The following STC1 variants were observed in gnomAD, a reference collection of about 807,000 sequenced individuals.
STC1 encodes stanniocalcin 1.
A neutral mutation model predicts 22.6 loss-of-function variants in STC1; 7 were observed. The observed-to-expected ratio is 0.31, with a 90% CI of 0.18 to 0.58. STC1 has a LOEUF of 0.58. STC1 is among the 20% of genes least tolerant of loss of function. The probability of loss-of-function intolerance (pLI) is 0.89; values close to 1 mark genes in which losing one functional copy is unlikely to be tolerated. For synonymous variants in STC1, 113 were observed against 120.7 expected (o/e 0.94, Z 0.42); for missense variants, 224 against 311.0 (o/e 0.72, Z 2.10).
At chr8:23,846,803 A>G (rs1431074258) in intron 3 of STC1, among the ~76,000 whole-genome samples, 1 of 152,190 alleles carries the variant, frequency 6.6e-6, no homozygotes, top group Non-Finnish European at 1.5e-5. Flanking sequence ...TGGAATTACA[A>G]AGCACATGAG....
intron 1 of STC1, 29 bp downstream of exon 1, chr8:23,854,377 G>A (rs761402175): frequency 5.6e-6 from 9 of 1,594,190 alleles, no homozygotes; most frequent in South Asian, 5.5e-5. Context: ...CTCTTTGGGG[G>A]AGAAACCGCT....
rs1040082338 is a variant in STC1, at chr8:23,843,252, C to T, written c.*1518G>A. On this transcript the variant is annotated 3_prime_UTR_variant, in exon 4 of 4. Coordinates refer to ENST00000290271, the MANE Select transcript of STC1 (RefSeq NM_003155.3). Reference sequence around the variant, plus strand: ...ACTTTGGTGGTCGCCATCTTGTAAACATCATGGCAGAAATGATCAAACCAC... The same window carrying T: ...ACTTTGGTGGTCGCCATCTTGTAAATATCATGGCAGAAATGATCAAACCAC... 2 of 152,496 alleles carry T rather than the reference C, an allele frequency of 1.3e-5. No homozygotes were observed. Among genetic ancestry groups the T allele is most frequent in the African/African-American group, 4.8e-5 (2 of 41,400 alleles). The allele number at this position is 152,496 out of a possible 1,614,324, so 9.4% of individuals were successfully genotyped here. A position where few individuals can be genotyped will look rare whatever the true frequency, so the allele number is the denominator to read the frequency against.
chr8:23,845,106 AC>A, intron 3 of STC1, 66 bp from the exon 4 acceptor site: 1 of 1,556,154 alleles, frequency 6.4e-7, no homozygotes, highest in South Asian at 1.2e-5. Flanking sequence ...CCAGGCTTTC[AC>A]CCGGGCTCTA....
At position 23,844,675 on chromosome 8, in the gene STC1, A is replaced by C. The variant is rs1802549677; in HGVS notation, c.*95T>G. ...GGGATAGAAAATAGGAACTACTTTA[A>C]AAAAATCAAACCAGGCACAGTACAC... On this transcript the variant is annotated 3_prime_UTR_variant, in exon 4 of 4. Transcript: ENST00000290271. The C allele has an allele frequency of 3.4e-6, 5 of 1,450,856 alleles. No individual in the cohort carries two copies. The African/African-American group carries it at 5.7e-5, about 16-fold the overall frequency. 89.9% of individuals were successfully genotyped at this position (1,450,856 alleles called of 1,614,324 possible). A position where few individuals can be genotyped will look rare whatever the true frequency, so the allele number is the denominator to read the frequency against.
intron 1 of STC1, among the ~76,000 whole-genome samples, chr8:23,852,636 A>T (rs984796807): frequency 8.5e-5 from 13 of 152,110 alleles, no homozygotes; most frequent in Non-Finnish European, 1.2e-4. Context: ...TCCCTGTTTC[A>T]CCATTACCTA....
chr8:23,853,063 G>GAAAGAAAGAAAGA (rs1388985951), intron 1 of STC1, among the ~76,000 whole-genome samples: 2 of 151,366 alleles, frequency 1.3e-5, no homozygotes, highest in Non-Finnish European at 2.9e-5. Flanking sequence ...AAGAAAGAAA[G>GAAAGAAAGAAAGA]AAGAAACACA....
rs1802536046 is a variant in STC1, at chr8:23,843,333, A to T, written c.*1437T>A. 6.7e-6 allele frequency: 1 copy of T among 149,756 alleles called. No individual in the cohort carries two copies. Among genetic ancestry groups the T allele is most frequent in the Non-Finnish European group, 1.5e-5 (1 of 67,590 alleles). 9.3% of individuals were successfully genotyped at this position (149,756 alleles called of 1,614,324 possible). A position where few individuals can be genotyped will look rare whatever the true frequency, so the allele number is the denominator to read the frequency against. ...TTTTCTTTTTTTCTATTTTTTTACG[A>T]TCCTACAGAGATGGTCCAGCTGCCA... is the stretch of plus-strand genomic sequence containing the variant. On this transcript the variant is annotated 3_prime_UTR_variant, in exon 4 of 4. Transcript: ENST00000290271.
chr8:23,852,243 T>C lies in STC1; in HGVS notation c.260A>G (p.Gln87Arg). 1 of 1,614,152 alleles carries C rather than the reference T, an allele frequency of 6.2e-7. No individual in the cohort carries two copies. Among genetic ancestry groups the C allele is most frequent in the Non-Finnish European group, 8.5e-7 (1 of 1,180,022 alleles). Residue 87 changes from glutamine (Q) to arginine (R), a missense_variant and splice_region_variant, in exon 2 of 4, where the codon CAG becomes CGG. Gln to Arg is a conservative substitution (Grantham distance 43, BLOSUM62 1). Transcript: ENST00000290271. ...GAGCAGGGGTCAAGGTTTTATTACC[T>C]GAGTGTCAAATTTAGCAGCGCTGTA... ...FLYSAAKFDT[Q>R]GKAFVKESLK...
In STC1 at chr8:23,851,448, G is replaced by T; in HGVS notation, c.345C>A (p.Ser115=). ...CCTCAGCAATCATCCTTTGGAAAGT[G>T]GAGCACCTCCGAATGGCGAGGAAGA... ...SKVFLAIRRC[S]TFQRMIAEVQ... Residue 115 remains serine (S), a synonymous_variant, in exon 3 of 4, where the codon TCC becomes TCA. Transcript: ENST00000290271. 1 of 1,614,140 alleles carries T rather than the reference G, an allele frequency of 6.2e-7. No individual in the cohort carries two copies. The highest frequency in any genetic ancestry group is 8.5e-7 in the Non-Finnish European group (1 of 1,180,036).
rs899604011 is a variant in STC1 at position 23,854,723 on chromosome 8, C to CGCCGCTGCTGCTGCTGCT, written c.-218_-201dup. 13 of 663,150 alleles carry CGCCGCTGCTGCTGCTGCT rather than the reference C, an allele frequency of 2.0e-5. No individual in the cohort carries two copies. Among genetic ancestry groups the CGCCGCTGCTGCTGCTGCT allele is most frequent in the Non-Finnish European group, 3.3e-5 (12 of 358,940 alleles). 41.1% of individuals were successfully genotyped at this position (663,150 alleles called of 1,614,324 possible). A position where few individuals can be genotyped will look rare whatever the true frequency, so the allele number is the denominator to read the frequency against. On this transcript the variant is annotated 5_prime_UTR_variant, in exon 1 of 4. Coordinates refer to ENST00000290271, the MANE Select transcript of STC1 (RefSeq NM_003155.3). ...GTGCCTCCGCTGCTGCTGCTGCTGC[C>CGCCGCTGCTGCTGCTGCT]GCCGCTGCTGCTGCTGCTGCCACCG...
intron 3 of STC1, 42 bp downstream of exon 3, chr8:23,851,278 C>T (rs1000644284): frequency 1.2e-6 from 2 of 1,604,994 alleles, no homozygotes; most frequent in Non-Finnish European, 1.7e-6. Flanking sequence ...CAGCCACCTG[C>T]TCCCAGTCCC....
In STC1 at chr8:23,852,238, T is replaced by C; in HGVS notation, c.261+4A>G. The C allele has an allele frequency of 6.2e-7, 1 of 1,614,082 alleles. No homozygotes were observed. The highest frequency in any genetic ancestry group is 8.5e-7 in the Non-Finnish European group (1 of 1,180,016). ...AGTGGGAGCAGGGGTCAAGGTTTTA[T>C]TACCTGAGTGTCAAATTTAGCAGCG... On this transcript the variant is annotated splice_donor_region_variant and intron_variant, in intron 2 of 3. Coordinates refer to ENST00000290271, the MANE Select transcript of STC1 (RefSeq NM_003155.3).
rs886137148 is a variant in STC1, at chr8:23,854,750, C to CGCTGCT, written c.-233_-228dup. 1.4e-5 allele frequency: 9 copies of CGCTGCT among 634,534 alleles called. No individual in the cohort carries two copies. Among genetic ancestry groups the CGCTGCT allele is most frequent in the African/African-American group, 7.3e-5 (4 of 54,728 alleles). The allele number at this position is 634,534 out of a possible 1,614,324, so 39.3% of individuals were successfully genotyped here. ...CCGCTGCTGCTGCTGCTGCCACCGC[C>CGCTGCT]GCTGCTGCTGCTGCTGCTGCAGTCG... On this transcript the variant is annotated 5_prime_UTR_variant, in exon 1 of 4. Coordinates refer to ENST00000290271, the MANE Select transcript of STC1 (RefSeq NM_003155.3).
Position 23,854,629 on chromosome 8 carries a change from A to G in STC1, c.-106T>C. On this transcript the variant is annotated 5_prime_UTR_variant, in exon 1 of 4. Coordinates refer to ENST00000290271, the MANE Select transcript of STC1 (RefSeq NM_003155.3). Reference sequence around the variant, plus strand: ...GAAGATGTGGATCTGGATACACTGAAAGCTTAGGTGAGGATTTGATGAGGA... The same window carrying G: ...GAAGATGTGGATCTGGATACACTGAGAGCTTAGGTGAGGATTTGATGAGGA... The G allele has an allele frequency of 1.0e-6, 1 of 984,370 alleles. No individual in the cohort carries two copies. Among genetic ancestry groups the G allele is most frequent in the African/African-American group, 1.6e-5 (1 of 62,082 alleles). 61.0% of individuals were successfully genotyped at this position (984,370 alleles called of 1,614,324 possible).
At chr8:23,852,221 C>A (rs1802646314) in intron 2 of STC1, 21 bp downstream of exon 2, 1 of 1,613,986 alleles carries the variant, frequency 6.2e-7, no homozygotes, top group Admixed American at 1.7e-5. Context: ...CCAGTGGGAG[C>A]AGGGGTCAAG....
intron 3 of STC1, among the ~76,000 whole-genome samples, chr8:23,851,020 C>A (rs546258857): frequency 2.0e-5 from 3 of 149,638 alleles, no homozygotes; most frequent in Non-Finnish European, 2.9e-5. Context: ...CTTCACCATT[C>A]CCTTCAGGCT....
intron 1 of STC1, among the ~76,000 whole-genome samples, chr8:23,853,832 C>G (rs1232551361): frequency 6.6e-6 from 1 of 152,048 alleles, no homozygotes; most frequent in Non-Finnish European, 1.5e-5. Flanking sequence ...CCTACAGAGC[C>G]AGGAGGGAGA....
Position 23,844,800 on chromosome 8 carries a change from G to A in STC1, c.714C>T (p.His238=). 1.2e-6 allele frequency: 2 copies of A among 1,614,140 alleles called. No homozygotes were observed. Among genetic ancestry groups the A allele is most frequent in the Non-Finnish European group, 1.7e-6 (2 of 1,180,012 alleles). Residue 238 remains histidine (H), a synonymous_variant, in exon 4 of 4, where the codon CAC becomes CAT. Transcript: ENST00000290271. ...CACTCTCATGGGATGTGCGTTTGATGTGGGAGGGAGAGTCCTCCTCACCTC... is the reference window on the plus strand; with the variant it reads ...CACTCTCATGGGATGTGCGTTTGATATGGGAGGGAGAGTCCTCCTCACCTC... ...NLRGEEDSPS[H]IKRTSHESA
At chr8:23,852,185 T>C in intron 2 of STC1, 57 bp downstream of exon 2, 2 of 1,610,752 alleles carry the variant, frequency 1.2e-6, no homozygotes, top group South Asian at 2.2e-5. Context: ...AGAACCATGG[T>C]CTAACACACT....
Sources: gnomAD v4.1 joint callset for allele counts (sites outside exome capture counted in the v4.1 genomes callset) on GRCh38, gnomAD v4.1.1 for gene constraint, MANE v1.5 for transcripts, NCBI Gene and HGNC (gene_info 2026-07-23, HGNC 2026-07-21) for gene names.